The following SLC13A1 variants were observed in gnomAD, a reference collection of about 807,000 sequenced individuals.
The protein encoded by SLC13A1 is solute carrier family 13 member 1, also known as Na(+)/sulfate cotransporter.
In SLC13A1, 65 loss-of-function variants were observed where a neutral mutation model predicts 70.0. The observed-to-expected ratio is 0.93, with a 90% CI of 0.76 to 1.14. The LOEUF is 1.14. Ranked by LOEUF, SLC13A1 falls within the 50% of genes most tolerant of loss-of-function variation. The pLI is 0.00. For synonymous variants in SLC13A1, 275 were observed against 250.5 expected (o/e 1.10, Z -0.92); for missense variants, 726 against 717.8 (o/e 1.01, Z -0.13).
chr7:123,144,822 C>T (rs2462149), intron 7 of SLC13A1, among the ~76,000 whole-genome samples: 4,383 of 152,174 alleles, frequency 0.029, 210 homozygotes, highest in African/African-American at 0.1. Flanking sequence ...CACTGCAAAA[C>T]AAATAACTTT....
intron 1 of SLC13A1, among the ~76,000 whole-genome samples, chr7:123,187,976 A>C (rs948514311): frequency 6.6e-6 from 1 of 152,210 alleles, no homozygotes; most frequent in African/African-American, 2.4e-5. Context: ...GAAGGAGTCC[A>C]TTGGAACTTT....
intron 6 of SLC13A1, chr7:123,148,481 A>T: frequency 2.2e-6 from 1 of 453,064 alleles, no homozygotes; most frequent in Non-Finnish European, 4.4e-6. Context: ...TATTTAAGAG[A>T]TGACTTTCTA....
chr7:123,168,596 A>G, intron 4 of SLC13A1, 35 bp from the exon 5 acceptor site: 1 of 1,493,414 alleles, frequency 6.7e-7, no homozygotes, highest in Non-Finnish European at 9.3e-7. Flanking sequence ...AACAATTTAA[A>G]TAAGGGATTA....
chr7:123,149,656 G>T (rs1022120832), intron 6 of SLC13A1: 7 of 455,948 alleles, frequency 1.5e-5, no homozygotes, highest in African/African-American at 8.0e-5. Context: ...CTAAGTGTGT[G>T]CTTGATATTA....
Position 123,123,240 on chromosome 7 carries a change from A to C in SLC13A1, c.1241-5T>G, listed in dbSNP as rs1793447485. ...GTGGAGAGTAATCAAAAGCAACTGC[A>C]AAACAAAAATCCTACAGTTACACAT... On this transcript the variant is annotated splice_polypyrimidine_tract_variant and splice_region_variant and intron_variant, in intron 11 of 14. Coordinates refer to ENST00000194130, the MANE Select transcript of SLC13A1 (RefSeq NM_022444.4). 17 of 1,579,188 alleles carry C rather than the reference A, an allele frequency of 1.1e-5. No homozygotes were observed. Among genetic ancestry groups the C allele is most frequent in the Non-Finnish European group, 1.4e-5 (16 of 1,148,504 alleles).
chr7:123,132,634 G>A (rs1208334586), intron 8 of SLC13A1, among the ~76,000 whole-genome samples: 8 of 152,086 alleles, frequency 5.3e-5, no homozygotes, highest in Non-Finnish European at 5.9e-5. Context: ...GCCTCCCAAA[G>A]CATTTCACTT....
In SLC13A1 at chr7:123,114,254, C is replaced by G. The variant is rs1333542583; in HGVS notation, c.*1264G>C. 1 of 151,916 alleles carries G rather than the reference C, an allele frequency of 6.6e-6. No homozygotes were observed. Among genetic ancestry groups the G allele is most frequent in the Non-Finnish European group, 1.5e-5 (1 of 67,996 alleles). 9.4% of individuals were successfully genotyped at this position (151,916 alleles called of 1,614,324 possible). A position where few individuals can be genotyped will look rare whatever the true frequency, so the allele number is the denominator to read the frequency against. On this transcript the variant is annotated 3_prime_UTR_variant, in exon 15 of 15. Transcript: ENST00000194130. ...GCTGAATTTTGGAATGCCAATAGCA[C>G]TTACTCTTTAAAAATTTATTTATTG...
At chr7:123,195,359 A>C (rs886880152) in intron 1 of SLC13A1, among the ~76,000 whole-genome samples, 14 of 151,984 alleles carry the variant, frequency 9.2e-5, no homozygotes, top group African/African-American at 2.7e-4. Flanking sequence ...AACAGTATCA[A>C]TTATTTCCAT....
intron 7 of SLC13A1, among the ~76,000 whole-genome samples, chr7:123,142,680 C>T (rs921925355): frequency 2.5e-4 from 18 of 70,632 alleles, no homozygotes; most frequent in African/African-American, 3.9e-4. Context: ...TGCAGTAGCG[C>T]GATCTTGGCT....
chr7:123,174,692 A>T (rs10251164), intron 2 of SLC13A1, among the ~76,000 whole-genome samples: 3 of 152,100 alleles, frequency 2.0e-5, no homozygotes, highest in African/African-American at 7.2e-5. Flanking sequence ...GTTTTTAAGA[A>T]CTTCCCATAG....
intron 13 of SLC13A1, among the ~76,000 whole-genome samples, chr7:123,118,349 A>G (rs1053010193): frequency 6.6e-6 from 1 of 152,072 alleles, no homozygotes; most frequent in Non-Finnish European, 1.5e-5. Context: ...CACAGCCTAC[A>G]TTTTTTCTAC....
chr7:123,115,736 G>T, intron 14 of SLC13A1, 81 bp from the exon 15 acceptor site: 1 of 1,408,502 alleles, frequency 7.1e-7, no homozygotes, highest in Non-Finnish European at 9.8e-7. Context: ...GGATGTATAT[G>T]CCAAATTTAC....
intron 6 of SLC13A1, chr7:123,149,752 T>C (rs1794490585): frequency 2.5e-6 from 1 of 398,528 alleles, no homozygotes; most frequent in African/African-American, 2.1e-5. Context: ...TTCTTCCAAC[T>C]TTGCTGTTGA....
intron 12 of SLC13A1, among the ~76,000 whole-genome samples, chr7:123,121,502 C>A (rs189075738): frequency 2.6e-4 from 40 of 152,174 alleles, no homozygotes; most frequent in Non-Finnish European, 3.2e-4. Context: ...GTCATATAGT[C>A]TTTGTCTTTA....
At position 123,123,166 on chromosome 7, in the gene SLC13A1, AT is replaced by A; in HGVS notation, c.1309del (p.Ile437PhefsTer22). The A allele has an allele frequency of 6.2e-7, 1 of 1,613,622 alleles. No individual in the cohort carries two copies. Among genetic ancestry groups the A allele is most frequent in the Non-Finnish European group, 8.5e-7 (1 of 1,179,636 alleles). ...FQSFMPWDIA[I>X]LVGGGFALAD... ...CAGGGCAAACCCTCCACCAACAAGA[AT>A]GGCTATATCCCAGGGCATGAATGAC... is the stretch of plus-strand genomic sequence containing the variant. On this transcript the variant is annotated frameshift_variant, in exon 12 of 15. Coordinates refer to ENST00000194130, the MANE Select transcript of SLC13A1 (RefSeq NM_022444.4). LOFTEE classifies it high-confidence loss of function.
At chr7:123,149,367 A>G in intron 6 of SLC13A1, 1 of 398,062 alleles carries the variant, frequency 2.5e-6, no homozygotes. Flanking sequence ...GTCAAACACT[A>G]ATCCGTTGAC....
chr7:123,135,022 C>A (rs1445081859), intron 7 of SLC13A1, among the ~76,000 whole-genome samples: 2 of 152,162 alleles, frequency 1.3e-5, no homozygotes, highest in Admixed American at 6.5e-5. Flanking sequence ...TCTGATCCAG[C>A]CTAGGTCATC....
At chr7:123,125,533 T>C (rs1426460731) in intron 11 of SLC13A1, 36 bp downstream of exon 11, 1 of 1,464,840 alleles carries the variant, frequency 6.8e-7, no homozygotes, top group Admixed American at 1.9e-5. Flanking sequence ...TTTGCTCTTC[T>C]GTTAAATTTA....
chr7:123,128,264 T>TA (rs1317455349), intron 10 of SLC13A1, among the ~76,000 whole-genome samples: 5 of 151,940 alleles, frequency 3.3e-5, no homozygotes, highest in Non-Finnish European at 7.4e-5. Context: ...TCCATAGAAT[T>TA]AAAAAACAAA....
Sources: gnomAD v4.1 joint callset for allele counts (sites outside exome capture counted in the v4.1 genomes callset) on GRCh38, gnomAD v4.1.1 for gene constraint, MANE v1.5 for transcripts, NCBI Gene and HGNC (gene_info 2026-07-23, HGNC 2026-07-21) for gene names.